LOXHD1: variants seen among roughly 807,000 people sequenced by gnomAD.
The protein encoded by LOXHD1 is lipoxygenase homology domain-containing protein 1.
Under a neutral mutation model 248.2 loss-of-function variants are expected in LOXHD1, and 205 were observed. The ratio of observed to expected loss-of-function variants is 0.83; its 90% CI spans 0.74 to 0.93. The LOEUF (loss-of-function observed/expected upper bound fraction) is 0.93. Ranked by LOEUF, LOXHD1 falls within the 40% of genes least tolerant of loss-of-function variation. LOXHD1 has a pLI of 0.00. For synonymous variants in LOXHD1, 1,113 were observed against 1,162.8 expected (o/e 0.96, Z 0.87); for missense variants, 2,930 against 2,971.6 (o/e 0.99, Z 0.33).
At chr18:46,549,691 A>G (rs1181009347) in intron 21 of LOXHD1, among the ~76,000 whole-genome samples, 1 of 151,824 alleles carries the variant, frequency 6.6e-6, no homozygotes, top group Non-Finnish European at 1.5e-5. Flanking sequence ...AATTTAAGGG[A>G]AAAAAATTTA....
chr18:46,646,064 G>C (rs9964620), intron 2 of LOXHD1, among the ~76,000 whole-genome samples: 3,698 of 152,356 alleles, frequency 0.024, 137 homozygotes, highest in African/African-American at 0.077. Context: ...TCAGTGAAGT[G>C]TGTTACACAC....
intron 6 of LOXHD1, among the ~76,000 whole-genome samples, chr18:46,609,999 A>G (rs945311711): frequency 6.6e-6 from 1 of 152,266 alleles, no homozygotes; most frequent in Non-Finnish European, 1.5e-5. Flanking sequence ...AGGTGAAACT[A>G]TAACACTTGA....
At chr18:46,495,677 T>A (rs1210256071) in intron 37 of LOXHD1, among the ~76,000 whole-genome samples, 2 of 152,224 alleles carry the variant, frequency 1.3e-5, no homozygotes, top group African/African-American at 2.4e-5. Context: ...TTTACATATT[T>A]TCCATATATT....
intron 35 of LOXHD1, among the ~76,000 whole-genome samples, 154 bp from the exon 36 acceptor site, chr18:46,507,866 C>T (rs536228891): frequency 6.6e-6 from 1 of 152,120 alleles, no homozygotes; most frequent in Non-Finnish European, 1.5e-5. Flanking sequence ...GTGGAAAGGG[C>T]CCTTTCCAGG....
In LOXHD1 at chr18:46,529,287, C is replaced by T. The variant is rs1186533722; in HGVS notation, c.4420G>A (p.Ala1474Thr). ...VQIFTGNIPG[A>T]GTDAKVYITI... is the part of the protein sequence containing the mutation. ...ATGTACACCTTGGCATCCGTCCCTG[C>T]CCCAGGAATGTTCCCTGTGAAGATC... The change falls in exon 29 of 41, where the codon GCA becomes ACA. Residue 1474 changes from alanine to threonine, a missense_variant. Coordinates refer to ENST00000642948, the MANE Select transcript of LOXHD1 (RefSeq NM_001384474.1). 6.4e-7 allele frequency: 1 copy of T among 1,551,652 alleles called. No individual in the cohort carries two copies. Among genetic ancestry groups the T allele is most frequent in the Admixed American group, 2.0e-5 (1 of 50,990 alleles).
chr18:46,609,007 T>C (rs925909493), intron 6 of LOXHD1, among the ~76,000 whole-genome samples: 5 of 152,244 alleles, frequency 3.3e-5, no homozygotes, highest in Admixed American at 6.5e-5. Flanking sequence ...TAATACATAT[T>C]TGGCCAGTGA....
At chr18:46,617,010 T>C (rs2038596959) in intron 5 of LOXHD1, among the ~76,000 whole-genome samples, 1 of 152,238 alleles carries the variant, frequency 6.6e-6, no homozygotes, top group Non-Finnish European at 1.5e-5. Flanking sequence ...GAGTGTTTTG[T>C]AGTTTTGGAA....
At position 46,596,339 on chromosome 18, in the gene LOXHD1, C is replaced by T. The variant is rs78966447; in HGVS notation, c.1135-1873G>A. 4.9e-3 allele frequency among the ~76,000 whole-genome samples: 753 copies of T among 152,132 alleles called. 3 individuals carry two copies. The highest frequency in any genetic ancestry group is 8.4e-3 in the Non-Finnish European group (569 of 68,012). ...AGCTGCCAAGGGGTTACAGAGAAGCCATAAGAACCAGCAAAATTCAGAGTA... is the reference window on the plus strand; with the variant it reads ...AGCTGCCAAGGGGTTACAGAGAAGCTATAAGAACCAGCAAAATTCAGAGTA... On this transcript the variant is annotated intron_variant, in intron 8 of 40. Coordinates refer to ENST00000642948, the MANE Select transcript of LOXHD1 (RefSeq NM_001384474.1).
intron 34 of LOXHD1, among the ~76,000 whole-genome samples, chr18:46,514,427 A>G (rs2035138379): frequency 6.6e-6 from 1 of 152,168 alleles, no homozygotes; most frequent in Admixed American, 6.5e-5. Context: ...CAACCTTCCC[A>G]CCCAAGTCTT....
rs779714173 is a variant in LOXHD1 at position 46,524,500 on chromosome 18, G to C, written c.4842C>G (p.Thr1614=). The C allele has an allele frequency of 9.0e-6, 14 of 1,551,724 alleles. No homozygotes were observed. Among genetic ancestry groups the C allele is most frequent in the Non-Finnish European group, 1.2e-5 (14 of 1,146,986 alleles). Residue 1614 remains threonine, a synonymous_variant, in exon 31 of 41, where the codon ACC becomes ACG. Transcript: ENST00000642948. ...KMADVDISTV[T]GPMADYVQEG... ...CTTGAACGTAGTCAGCCATGGGCCC[G>C]GTCACTGTGCTGATGTCGACATCGG... is the stretch of plus-strand genomic sequence containing the variant.
At chr18:46,535,396 A>G (rs575218527) in intron 26 of LOXHD1, among the ~76,000 whole-genome samples, 35 of 147,382 alleles carry the variant, frequency 2.4e-4, no homozygotes, top group African/African-American at 8.0e-4. Flanking sequence ...AAGTCCCCTG[A>G]AAAAAAAAAG....
chr18:46,524,158 T>A (rs1376216367), intron 31 of LOXHD1, among the ~76,000 whole-genome samples: 2 of 152,142 alleles, frequency 1.3e-5, no homozygotes, highest in Admixed American at 6.5e-5. Context: ...CACCACCACA[T>A]CATGCCTTAA....
chr18:46,577,502 T>C (rs1307178873), intron 14 of LOXHD1, among the ~76,000 whole-genome samples: 1 of 152,108 alleles, frequency 6.6e-6, no homozygotes, highest in Non-Finnish European at 1.5e-5. Flanking sequence ...CACACCACAG[T>C]GGTGTTCATC....
intron 5 of LOXHD1, among the ~76,000 whole-genome samples, chr18:46,617,479 AG>A (rs1429846865): frequency 6.6e-6 from 1 of 151,866 alleles, no homozygotes; most frequent in Non-Finnish European, 1.5e-5. Flanking sequence ...ATCTATTCAT[AG>A]TTAACACTTT....
chr18:46,591,799 C>T, intron 12 of LOXHD1, 134 bp downstream of exon 12: 1 of 1,143,600 alleles, frequency 8.7e-7, no homozygotes, highest in Non-Finnish European at 1.2e-6. Context: ...CAGGGACCTT[C>T]CAAATCCACT....
chr18:46,509,619 G>A, intron 35 of LOXHD1, 79 bp downstream of exon 35: 1 of 1,020,882 alleles, frequency 9.8e-7, no homozygotes, highest in Non-Finnish European at 1.5e-6. Context: ...GCTTTAACAA[G>A]GTCCATTGAC....
intron 21 of LOXHD1, among the ~76,000 whole-genome samples, chr18:46,550,387 C>T (rs111744859): frequency 6.6e-6 from 1 of 151,388 alleles, no homozygotes; most frequent in Admixed American, 6.6e-5. Context: ...TCCTGGCTAA[C>T]AAGGTGAAAC....
chr18:46,653,635 G>A (rs184480214), intron 1 of LOXHD1, among the ~76,000 whole-genome samples: 1 of 152,264 alleles, frequency 6.6e-6, no homozygotes, highest in Admixed American at 6.5e-5. Flanking sequence ...CAGCACATGA[G>A]AGACAGTCAA....
chr18:46,605,479 A>G (rs935591164), intron 6 of LOXHD1, among the ~76,000 whole-genome samples: 2 of 152,128 alleles, frequency 1.3e-5, no homozygotes, highest in African/African-American at 4.8e-5. Context: ...GTGCCACTGT[A>G]CTCCAGTCTG....
Sources: allele counts gnomAD v4.1 joint callset (sites outside exome capture counted in the v4.1 genomes callset), GRCh38; gene constraint gnomAD v4.1.1; transcripts MANE v1.5; gene names NCBI Gene and HGNC (gene_info 2026-07-23, HGNC 2026-07-21).